Variants in HMGXB3 observed in about 807,000 individuals in gnomAD.
HMGXB3 encodes HMG domain-containing protein 3.
Under a neutral mutation model 121.5 loss-of-function variants are expected in HMGXB3, and 45 were observed. The ratio of observed to expected loss-of-function variants is 0.37; its 90% CI spans 0.29 to 0.47. The LOEUF (loss-of-function observed/expected upper bound fraction) is 0.47. HMGXB3 is among the 20% of genes least tolerant of loss of function. The probability of loss-of-function intolerance (pLI) is 0.99; values close to 1 mark genes in which losing one functional copy is unlikely to be tolerated. For missense variants in HMGXB3, 1,376 were observed against 1,602.2 expected, an observed-to-expected ratio of 0.86 and a Z score of 2.41; for synonymous variants, 590 against 624.1, an observed-to-expected ratio of 0.95 and a Z score of 0.81.
intron 6 of HMGXB3, chr5:150,021,973 G>A: frequency 2.3e-6 from 1 of 432,514 alleles, no homozygotes; most frequent in Non-Finnish European, 4.6e-6. Flanking sequence ...GAGAACAGCG[G>A]TGAGTCAGGA....
In HMGXB3 at chr5:150,050,449, A is replaced by G. The variant is rs1200430828; in HGVS notation, c.3399A>G (p.Thr1133=). ...ACCAGGGCTGTTTCTCTAGCCCCAC[A>G]GAGCCACCTGTGGTGAGTCACCTCC... ...GRNQGCFSSP[T]EPPVSVSCPE... The change falls in exon 19 of 20, where the codon ACA becomes ACG. Residue 1133 remains threonine (T), a synonymous_variant. Transcript: ENST00000502717. 31 of 1,551,252 alleles carry G rather than the reference A, an allele frequency of 2.0e-5. No individual in the cohort carries two copies. The highest frequency in any genetic ancestry group is 2.6e-5 in the Non-Finnish European group (30 of 1,146,592).
intron 11 of HMGXB3, among the ~76,000 whole-genome samples, chr5:150,033,553 C>T (rs546370401): frequency 6.6e-6 from 1 of 151,858 alleles, no homozygotes; most frequent in Admixed American, 6.6e-5. Context: ...GAGGAGATGG[C>T]GTGGGGGCAT....
At chr5:150,037,576 G>A in intron 13 of HMGXB3, 49 bp downstream of exon 13, 3 of 1,444,210 alleles carry the variant, frequency 2.1e-6, no homozygotes, top group Non-Finnish European at 2.8e-6. Context: ...GCAGGCTTGG[G>A]AACTGCCTCT....
chr5:150,039,116 T>C (rs1756565237), intron 13 of HMGXB3, among the ~76,000 whole-genome samples: 1 of 152,224 alleles, frequency 6.6e-6, no homozygotes, highest in Non-Finnish European at 1.5e-5. Context: ...CTGTTTTTGT[T>C]TTTCAGCCAT....
intron 5 of HMGXB3, 93 bp from the exon 6 acceptor site, chr5:150,018,473 C>T: frequency 9.2e-7 from 1 of 1,085,012 alleles, no homozygotes; most frequent in Non-Finnish European, 1.2e-6. Context: ...TATCTTTCCA[C>T]AAGCTTGTGA....
intron 9 of HMGXB3, among the ~76,000 whole-genome samples, chr5:150,028,561 T>TA (rs1554099010): frequency 0.019 from 289 of 15,244 alleles, 3 homozygotes; most frequent in African/African-American, 0.046. Context: ...ATATATATAT[T>TA]TTTTTTTTTT....
At chr5:150,020,365 G>T (rs1364918194) in intron 6 of HMGXB3, among the ~76,000 whole-genome samples, 1 of 152,234 alleles carries the variant, frequency 6.6e-6, no homozygotes, top group East Asian at 1.9e-4. Flanking sequence ...TCTAACTGCA[G>T]TGGGGAGATT....
At position 150,032,619 on chromosome 5, in the gene HMGXB3, C is replaced by A; in HGVS notation, c.1983+16C>A. The A allele has an allele frequency of 1.9e-6, 3 of 1,552,154 alleles. No individual in the cohort carries two copies. Among genetic ancestry groups the A allele is most frequent in the Non-Finnish European group, 1.7e-6 (2 of 1,147,016 alleles). On this transcript the variant is annotated intron_variant, in intron 11 of 19. Transcript: ENST00000502717. ...CAAGGCTATCGTGAGTTCCTTCCCC[C>A]AAACACATCCCCTGGCCTGTTCTGG... is the stretch of plus-strand genomic sequence containing the variant.
intron 19 of HMGXB3, 144 bp from the exon 20 acceptor site, chr5:150,051,581 G>A (rs928097504): frequency 1.1e-5 from 7 of 637,550 alleles, no homozygotes; most frequent in Admixed American, 8.9e-5. Flanking sequence ...AGGCACTGGC[G>A]GGCAGGGGTT....
intron 7 of HMGXB3, among the ~76,000 whole-genome samples, chr5:150,026,444 T>C (rs1756232098): frequency 6.6e-6 from 1 of 152,262 alleles, no homozygotes; most frequent in African/African-American, 2.4e-5. Context: ...CGTTTTACAC[T>C]TCTGTGTCTT....
intron 13 of HMGXB3, among the ~76,000 whole-genome samples, chr5:150,040,146 T>C (rs942830274): frequency 1.3e-5 from 2 of 152,140 alleles, no homozygotes; most frequent in African/African-American, 4.8e-5. Context: ...TCCTTTTTTT[T>C]ATTGGGGGAA....
chr5:150,041,710 C>T (rs961172035), intron 14 of HMGXB3, 75 bp from the exon 15 acceptor site: 1 of 1,064,478 alleles, frequency 9.4e-7, no homozygotes, highest in Non-Finnish European at 1.4e-6. Context: ...GCTCTACTTA[C>T]TACCCACTGG....
intron 16 of HMGXB3, 24 bp from the exon 17 acceptor site, chr5:150,047,600 C>T: frequency 6.4e-7 from 1 of 1,551,414 alleles, no homozygotes; most frequent in Non-Finnish European, 8.7e-7. Flanking sequence ...AGCACCCTCC[C>T]ACCAGCACTG....
At chr5:150,045,956 A>G (rs377439777) in intron 16 of HMGXB3, among the ~76,000 whole-genome samples, 2 of 152,188 alleles carry the variant, frequency 1.3e-5, no homozygotes, top group Admixed American at 6.5e-5. Flanking sequence ...CAGAACTCCT[A>G]TAAAAAATGC....
At chr5:150,002,788 T>C (rs987935724) in intron 1 of HMGXB3, among the ~76,000 whole-genome samples, 2 of 152,254 alleles carry the variant, frequency 1.3e-5, no homozygotes, top group African/African-American at 4.8e-5. Flanking sequence ...TGTTGGTTGG[T>C]CAGATGACTG....
At position 150,045,636 on chromosome 5, in the gene HMGXB3, G is replaced by A; in HGVS notation, c.2901G>A (p.Val967=). The A allele has an allele frequency of 6.4e-7, 1 of 1,551,766 alleles. No individual in the cohort carries two copies. Among genetic ancestry groups the A allele is most frequent in the Non-Finnish European group, 8.7e-7 (1 of 1,147,024 alleles). ...PFFPPLMRGA[V]VVNTEKDKNL... ...TCCCACCACTCATGAGAGGAGCTGT[G>A]GTCGTCAACACTGAGAAAGACAAAA... The change falls in exon 16 of 20, where the codon GTG becomes GTA. Residue 967 remains valine, a synonymous_variant. Transcript: ENST00000502717.
At chr5:150,008,754 C>T (rs994002485) in intron 3 of HMGXB3, among the ~76,000 whole-genome samples, 8 of 152,188 alleles carry the variant, frequency 5.3e-5, no homozygotes, top group African/African-American at 1.9e-4. Context: ...TTTGTTAAGT[C>T]CAGGCCATGC....
intron 17 of HMGXB3, 120 bp from the exon 18 acceptor site, chr5:150,048,449 G>T (rs534081303): frequency 2.7e-6 from 2 of 738,150 alleles, no homozygotes; most frequent in Non-Finnish European, 4.7e-6. Context: ...TCCAAGGCCC[G>T]CTCTGACCCA....
intron 3 of HMGXB3, among the ~76,000 whole-genome samples, chr5:150,009,648 C>T (rs566513686): frequency 1.3e-5 from 2 of 152,204 alleles, no homozygotes; most frequent in East Asian, 1.9e-4. Context: ...TTTTATTGAG[C>T]GTTATACATT....
Sources: allele counts gnomAD v4.1 joint callset (sites outside exome capture counted in the v4.1 genomes callset), GRCh38; gene constraint gnomAD v4.1.1; transcripts MANE v1.5; gene names NCBI Gene and HGNC (gene_info 2026-07-23, HGNC 2026-07-21).